KIF18B: variants seen among roughly 807,000 people sequenced by gnomAD.
KIF18B encodes kinesin family member 18B.
Under a neutral mutation model 80.9 loss-of-function variants are expected in KIF18B, and 49 were observed. That is an observed-to-expected ratio of 0.61 (90% confidence interval 0.48 to 0.77). The LOEUF (loss-of-function observed/expected upper bound fraction) is 0.77, where lower values mean the gene tolerates loss of function less well. Among genes scored for constraint, KIF18B ranks in the 30% least tolerant of loss-of-function variants. The pLI, the probability that KIF18B is intolerant of heterozygous loss-of-function variation, is 0.00. For missense variants in KIF18B, 994 were observed against 1,127.7 expected (o/e 0.88, Z 1.70); for synonymous variants, 439 against 463.9 (o/e 0.95, Z 0.69).
intron 1 of KIF18B, among the ~76,000 whole-genome samples, chr17:44,940,458 A>G (rs2052394209): frequency 6.6e-6 from 1 of 152,202 alleles, no homozygotes; most frequent in African/African-American, 2.4e-5. Context: ...AATTCCAAAC[A>G]TATATTTACT....
chr17:44,934,141 C>G lies in KIF18B; in HGVS notation c.886-42G>C. The G allele has an allele frequency of 6.2e-7, 1 of 1,605,054 alleles. No individual in the cohort carries two copies. The highest frequency in any genetic ancestry group is 8.5e-7 in the Non-Finnish European group (1 of 1,175,710). ...AGGTGTGGGGTGAGGCGACTGATGGCACTGACCCAGGATGGGGCCCTGTGG... is the reference window on the plus strand; with the variant it reads ...AGGTGTGGGGTGAGGCGACTGATGGGACTGACCCAGGATGGGGCCCTGTGG... On this transcript the variant is annotated intron_variant, in intron 6 of 15. Coordinates refer to ENST00000593135, the MANE Select transcript of KIF18B (RefSeq NM_001265577.2). The surrounding 1 kb of genome is among the most constrained non-coding windows in gnomAD (Gnocchi z 5.4).
chr17:44,938,024 A>G (rs190763572), intron 1 of KIF18B, among the ~76,000 whole-genome samples: 1 of 150,144 alleles, frequency 6.7e-6, no homozygotes, highest in Non-Finnish European at 1.5e-5. Flanking sequence ...ACACATATAT[A>G]TTTTTTTTGA....
rs2052027061 is a variant in KIF18B at position 44,926,428 on chromosome 17, G to A, written c.2438C>T (p.Pro813Leu). The A allele has an allele frequency of 6.3e-7, 1 of 1,576,556 alleles. No individual in the cohort carries two copies. The highest frequency in any genetic ancestry group is 8.6e-7 in the Non-Finnish European group (1 of 1,161,362). Residue 813 changes from proline to leucine, a missense_variant, in exon 15 of 16, where the codon CCC becomes CTC. Coordinates refer to ENST00000593135, the MANE Select transcript of KIF18B (RefSeq NM_001265577.2). ...PSSTLKRPAGPLVLPELPLSP... is the reference protein window; with the variant it reads ...PSSTLKRPAGLLVLPELPLSP... ...GTGCCAGTCACCTGGGAGTACAAGG[G>A]GCCCAGCTGGCCTCTTCAAAGTGCT... is the stretch of plus-strand genomic sequence containing the variant.
chr17:44,936,614 ATATATATATATTTTTTTTTTTT>A (rs2052309729), intron 1 of KIF18B, among the ~76,000 whole-genome samples: 1 of 79,124 alleles, frequency 1.3e-5, no homozygotes, highest in African/African-American at 4.9e-5. Context: ...ATATATATAT[ATATATATATATTTTTTTTTTTT>A]TTTTTTTTTT....
At chr17:44,933,625 T>G (rs1482504264) in intron 7 of KIF18B, among the ~76,000 whole-genome samples, 4 of 152,150 alleles carry the variant, frequency 2.6e-5, no homozygotes, top group African/African-American at 9.7e-5. Flanking sequence ...CCAGAGTAGC[T>G]GGGATTACAG....
intron 2 of KIF18B, 88 bp downstream of exon 2, chr17:44,935,944 C>A: frequency 8.2e-7 from 1 of 1,216,668 alleles, no homozygotes; most frequent in Non-Finnish European, 1.2e-6. Context: ...TTGGGGGAGG[C>A]GGGCACATGC....
At position 44,935,217 on chromosome 17, in the gene KIF18B, C is replaced by CG. The variant is rs757419337; in HGVS notation, c.471+41dup. ...TCCACCCCATGGGCTCACTTCCCCCCGGGTGGTTGTGAGAACAAGGCCCAG... is the reference window on the plus strand; with the variant it reads ...TCCACCCCATGGGCTCACTTCCCCCCGGGGTGGTTGTGAGAACAAGGCCCAG... On this transcript the variant is annotated intron_variant, in intron 3 of 15. Transcript: ENST00000593135. 6 of 1,538,656 alleles carry CG rather than the reference C, an allele frequency of 3.9e-6. No individual in the cohort carries two copies. The African/African-American group carries it at 8.2e-5, about 21-fold the overall frequency.
chr17:44,928,919 C>G lies in KIF18B; in HGVS notation c.1623G>C (p.Gln541His), dbSNP rs2052089617. ...DMITEFETLQ[Q>H]LVQEEKIEPG... ...GCTCAATTTTTTCCTCTTGCACCAGCTGCTGTAGGGTCTCAAACTCTGTGA... is the reference window on the plus strand; with the variant it reads ...GCTCAATTTTTTCCTCTTGCACCAGGTGCTGTAGGGTCTCAAACTCTGTGA... Residue 541 changes from glutamine (Q) to histidine (H), a missense_variant, in exon 12 of 16, where the codon CAG becomes CAC. Transcript: ENST00000593135. 1 of 1,613,890 alleles carries G rather than the reference C, an allele frequency of 6.2e-7. No homozygotes were observed. The highest frequency in any genetic ancestry group is 2.2e-5 in the East Asian group (1 of 44,892).
chr17:44,941,859 C>T (rs1263058082), intron 1 of KIF18B, among the ~76,000 whole-genome samples: 2 of 152,306 alleles, frequency 1.3e-5, no homozygotes, highest in Non-Finnish European at 2.9e-5. Flanking sequence ...CAAAGGAGTG[C>T]TCATAACCTT....
At position 44,927,026 on chromosome 17, in the gene KIF18B, G is replaced by A. The variant is rs552373909; in HGVS notation, c.2329C>T (p.Pro777Ser). ...MKGPKPTSSL[P>S]GTSACKKKRV... ...TTCTTCTTGCAGGCAGAGGTCCCAGGGAGGGAAGATGTTGGCTTGGGGCCC... is the reference window on the plus strand; with the variant it reads ...TTCTTCTTGCAGGCAGAGGTCCCAGAGAGGGAAGATGTTGGCTTGGGGCCC... The change falls in exon 14 of 16, where the codon CCT becomes TCT. Residue 777 changes from proline to serine, a missense_variant. By Grantham distance (74) the Pro-to-Ser change is moderately conservative. Coordinates refer to ENST00000593135, the MANE Select transcript of KIF18B (RefSeq NM_001265577.2). This position sits in a 1 kb window ranked among gnomAD's most constrained non-coding sequence, Gnocchi z 4.1. 3.7e-6 allele frequency: 6 copies of A among 1,612,892 alleles called. No homozygotes were observed. Among genetic ancestry groups the A allele is most frequent in the South Asian group, 3.3e-5 (3 of 90,656 alleles).
At position 44,927,056 on chromosome 17, in the gene KIF18B, T is replaced by C; in HGVS notation, c.2299A>G (p.Met767Val). The change falls in exon 14 of 16, where the codon ATG becomes GTG. Residue 767 changes from methionine (M) to valine (V), a missense_variant. Transcript: ENST00000593135. The surrounding 1 kb of genome is among the most constrained non-coding windows in gnomAD (Gnocchi z 4.1). ...GAAGATGTTGGCTTGGGGCCCTTCA[T>C]GGTGAACAGGGGCACAGGTGCCCTG... ...IPRAPVPLFT[M>V]KGPKPTSSLP... 1.2e-6 allele frequency: 2 copies of C among 1,612,200 alleles called. No homozygotes were observed. Among genetic ancestry groups the C allele is most frequent in the East Asian group, 2.2e-5 (1 of 44,858 alleles).
intron 10 of KIF18B, 43 bp downstream of exon 10, chr17:44,932,013 C>T: frequency 6.4e-7 from 1 of 1,572,940 alleles, no homozygotes; most frequent in Non-Finnish European, 8.6e-7. Context: ...CCCACCAGCT[C>T]CAAGCCCTCC....
chr17:44,936,402 C>G, intron 1 of KIF18B, 44 bp from the exon 2 acceptor site: 1 of 1,528,790 alleles, frequency 6.5e-7, no homozygotes, highest in Non-Finnish European at 8.8e-7. Flanking sequence ...CCACCCCAGG[C>G]CTGACCAGGT....
chr17:44,939,366 C>CAAAAAAAAAAAAAAAAAA lies in KIF18B; in HGVS notation c.-14-3026_-14-3009dup, dbSNP rs781348504. On this transcript the variant is annotated intron_variant, in intron 1 of 15. Transcript: ENST00000593135. Reference sequence around the variant, plus strand: ...AGCCTGGGTGACAGAGACTCCATCTCAAAAAAAAAAAAAAAAAAAAAAAAA... The same window carrying CAAAAAAAAAAAAAAAAAA: ...AGCCTGGGTGACAGAGACTCCATCTCAAAAAAAAAAAAAAAAAAAAAAAAAAAAAAAAAAAAAAAAAAA... Among the ~76,000 whole-genome samples, 7 of 36,948 alleles carry CAAAAAAAAAAAAAAAAAA rather than the reference C, an allele frequency of 1.9e-4. 1 individual carries two copies. Among genetic ancestry groups the CAAAAAAAAAAAAAAAAAA allele is most frequent in the African/African-American group, 4.2e-4 (4 of 9,548 alleles). The allele number at this position is 36,948 out of a possible 152,430, so 24.2% of individuals were successfully genotyped here.
intron 12 of KIF18B, 74 bp downstream of exon 12, chr17:44,928,745 A>C: frequency 6.7e-7 from 1 of 1,493,782 alleles, no homozygotes; most frequent in Non-Finnish European, 9.1e-7. Context: ...AGGCCCCTGG[A>C]CACCCCTTGG....
chr17:44,935,400 G>A lies in KIF18B; in HGVS notation c.330C>T (p.Ala110=), dbSNP rs1266739027. The stretch of plus-strand genomic sequence containing the variant: ...TGGTGTGTGTCTTCCCAGCCCCGGT[G>A]GCCCCGTAGGCAAACACTGCAGAGG... The part of the protein sequence containing the change: ...GYNCSVFAYG[A]TGAGKTHTML... The change falls in exon 3 of 16, where the codon GCC becomes GCT. Residue 110 remains alanine (A), a synonymous_variant. Coordinates refer to ENST00000593135, the MANE Select transcript of KIF18B (RefSeq NM_001265577.2). 6.2e-7 allele frequency: 1 copy of A among 1,610,010 alleles called. No individual in the cohort carries two copies.
chr17:44,930,628 G>A (rs1347187587), intron 11 of KIF18B, among the ~76,000 whole-genome samples: 1 of 152,142 alleles, frequency 6.6e-6, no homozygotes, highest in African/African-American at 2.4e-5. Flanking sequence ...TAGGGAGACC[G>A]GGGGCTATGA....
At chr17:44,937,557 A>C (rs927125394) in intron 1 of KIF18B, among the ~76,000 whole-genome samples, 1 of 152,196 alleles carries the variant, frequency 6.6e-6, no homozygotes, top group East Asian at 1.9e-4. Flanking sequence ...TCCAGCTGAT[A>C]ATTACTAGTA....
At position 44,928,250 on chromosome 17, in the gene KIF18B, G is replaced by A; in HGVS notation, c.2052C>T (p.Cys684=). 1.2e-6 allele frequency: 2 copies of A among 1,613,646 alleles called. No individual in the cohort carries two copies. Among genetic ancestry groups the A allele is most frequent in the South Asian group, 1.1e-5 (1 of 91,058 alleles). ...TPKGERASSP[C]HSPRVCPATV... ...TGGCTGGGCAAACGCGAGGGGAATG[G>A]CAGGGGGAGGAGGCCCTTTCTCCTT... The change falls in exon 13 of 16, where the codon TGC becomes TGT. Residue 684 remains cysteine (C), a synonymous_variant. Transcript: ENST00000593135.
Sources: gnomAD v4.1 joint callset for allele counts (sites outside exome capture counted in the v4.1 genomes callset) on GRCh38, gnomAD v4.1.1 for gene constraint, Gnocchi (gnomAD v3.1) non-coding constraint, MANE v1.5 for transcripts, NCBI Gene and HGNC (gene_info 2026-07-23, HGNC 2026-07-21) for gene names.